CHST11: variants seen among roughly 807,000 people sequenced by gnomAD.
CHST11 encodes the protein C4S-1.
Under a neutral mutation model 30.4 loss-of-function variants are expected in CHST11, and 9 were observed. The ratio of observed to expected loss-of-function variants is 0.30; its 90% CI spans 0.18 to 0.52. The LOEUF is 0.52. Ranked by LOEUF, CHST11 falls within the 20% of genes least tolerant of loss-of-function variation. The pLI, the probability that CHST11 is intolerant of heterozygous loss-of-function variation, is 0.97. For missense variants in CHST11, 348 were observed against 460.6 expected, an observed-to-expected ratio of 0.76 and a Z score of 2.24; for synonymous variants, 152 against 187.8, an observed-to-expected ratio of 0.81 and a Z score of 1.56.
chr12:104,601,635 T>G (rs947747650), intron 1 of CHST11, among the ~76,000 whole-genome samples: 24 of 152,218 alleles, frequency 1.6e-4, no homozygotes, highest in African/African-American at 5.1e-4. Context: ...TCAATGAGCT[T>G]TAGATGCCTG....
intron 2 of CHST11, among the ~76,000 whole-genome samples, chr12:104,710,677 C>T (rs1318499738): frequency 1.3e-5 from 2 of 152,126 alleles, no homozygotes; most frequent in African/African-American, 2.4e-5. Context: ...GGTTTGAGCC[C>T]CCAGACGATG....
chr12:104,465,307 G>T (rs372726163), intron 1 of CHST11, among the ~76,000 whole-genome samples: 1 of 152,186 alleles, frequency 6.6e-6, no homozygotes, highest in South Asian at 2.1e-4. Context: ...CAGAGCCCAG[G>T]GCTTGTAGTT....
At chr12:104,640,123 G>A (rs939205022) in intron 2 of CHST11, among the ~76,000 whole-genome samples, 6 of 152,166 alleles carry the variant, frequency 3.9e-5, no homozygotes, top group African/African-American at 1.4e-4. Context: ...CATTCACTGC[G>A]GGTGGAAATG....
At chr12:104,702,891 G>A (rs1056410219) in intron 2 of CHST11, among the ~76,000 whole-genome samples, 4 of 152,150 alleles carry the variant, frequency 2.6e-5, no homozygotes, top group Non-Finnish European at 2.9e-5. Flanking sequence ...CGAGCCTGGC[G>A]CCCTTTGCAG....
intron 2 of CHST11, among the ~76,000 whole-genome samples, chr12:104,677,094 G>A (rs1055475483): frequency 2.0e-5 from 3 of 152,136 alleles, no homozygotes; most frequent in Non-Finnish European, 2.9e-5. Context: ...CCAGTTTTGC[G>A]TGACTGTTGA....
intron 1 of CHST11, among the ~76,000 whole-genome samples, chr12:104,526,910 T>C (rs2038132063): frequency 6.6e-6 from 1 of 152,192 alleles, no homozygotes; most frequent in African/African-American, 2.4e-5. Flanking sequence ...TCCTCTTTTC[T>C]CCCGGGTTGG....
At chr12:104,592,390 C>A (rs2038867883) in intron 1 of CHST11, among the ~76,000 whole-genome samples, 1 of 152,130 alleles carries the variant, frequency 6.6e-6, no homozygotes, top group African/African-American at 2.4e-5. Context: ...TCTGGTGAGG[C>A]CCTGCTTTCT....
intron 2 of CHST11, among the ~76,000 whole-genome samples, chr12:104,669,249 C>CT (rs1019513205): frequency 9.8e-5 from 15 of 152,334 alleles, no homozygotes; most frequent in Non-Finnish European, 2.2e-4. Context: ...CCACGCCCTC[C>CT]TGAATGTTCC....
In CHST11 at chr12:104,492,676, A is replaced by G. The variant is rs954255261; in HGVS notation, c.118+35147A>G. Among the ~76,000 whole-genome samples, 6 of 152,362 alleles carry G rather than the reference A, an allele frequency of 3.9e-5. No individual in the cohort carries two copies. The East Asian group carries it at 1.2e-3, about 29-fold the overall frequency. On this transcript the variant is annotated intron_variant, in intron 1 of 2. Transcript: ENST00000303694. ...TTGATCTGTGTGTCTGGAACAAGAT[A>G]CAGTTTGAAGATACTACCATGGGAC...
intron 2 of CHST11, among the ~76,000 whole-genome samples, chr12:104,633,203 C>T (rs2039288628): frequency 6.6e-6 from 1 of 152,146 alleles, no homozygotes; most frequent in African/African-American, 2.4e-5. Flanking sequence ...GATGTGAGCA[C>T]CAACTGAGGC....
intron 1 of CHST11, among the ~76,000 whole-genome samples, chr12:104,541,948 A>T (rs2038291388): frequency 6.6e-6 from 1 of 152,254 alleles, no homozygotes; most frequent in Non-Finnish European, 1.5e-5. Flanking sequence ...GTCAGCTACC[A>T]GTTGCTATAC....
At chr12:104,728,791 G>A (rs1021547336) in intron 2 of CHST11, among the ~76,000 whole-genome samples, 3 of 152,206 alleles carry the variant, frequency 2.0e-5, no homozygotes, top group Admixed American at 6.5e-5. Context: ...TCCTTGGAGG[G>A]CAGAGGGGAG....
rs143640798 is a variant in CHST11, at chr12:104,609,996, A to AT, written c.204+8007dup. Reference sequence around the variant, plus strand: ...TTTATTTGTTTCTAGCAGAGTCTGTATTGATCAGCAAGCTTGACGCACTGA... The same window carrying AT: ...TTTATTTGTTTCTAGCAGAGTCTGTATTTGATCAGCAAGCTTGACGCACTGA... On this transcript the variant is annotated intron_variant, in intron 2 of 2. Transcript: ENST00000303694. 5.3e-3 allele frequency among the ~76,000 whole-genome samples: 803 copies of AT among 151,432 alleles called. 7 individuals are homozygous for AT. The highest frequency in any genetic ancestry group is 0.018 in the African/African-American group (746 of 41,170).
At chr12:104,621,135 G>T (rs1179006306) in intron 2 of CHST11, among the ~76,000 whole-genome samples, 2 of 152,230 alleles carry the variant, frequency 1.3e-5, no homozygotes, top group Non-Finnish European at 2.9e-5. Context: ...CGTTGTTGCT[G>T]ATCTCAAGCT....
chr12:104,547,734 T>C (rs2038364840), intron 1 of CHST11, among the ~76,000 whole-genome samples: 1 of 152,224 alleles, frequency 6.6e-6, no homozygotes, highest in Non-Finnish European at 1.5e-5. Flanking sequence ...GGCAAATTCT[T>C]TAATCTTTTT....
At chr12:104,518,157 C>T (rs145960831) in intron 1 of CHST11, among the ~76,000 whole-genome samples, 266 of 152,194 alleles carry the variant, frequency 1.7e-3, no homozygotes, top group Non-Finnish European at 2.9e-3. Context: ...CGCAGTGGCA[C>T]GTGCCTGTAG....
intron 1 of CHST11, among the ~76,000 whole-genome samples, chr12:104,529,240 G>T (rs1407867565): frequency 6.6e-6 from 1 of 152,116 alleles, no homozygotes; most frequent in Non-Finnish European, 1.5e-5. Context: ...ACATTTCTGG[G>T]GGTTATTAGA....
intron 1 of CHST11, among the ~76,000 whole-genome samples, chr12:104,558,538 T>TCCCC (rs71441899): frequency 3.8e-3 from 449 of 117,694 alleles, no homozygotes; most frequent in Non-Finnish European, 4.2e-3. Context: ...CAGCAGAAAT[T>TCCCC]CCCCCCCCCG....
intron 1 of CHST11, among the ~76,000 whole-genome samples, chr12:104,470,010 T>C (rs189992890): frequency 2.3e-3 from 344 of 152,366 alleles, no homozygotes; most frequent in African/African-American, 7.8e-3. Context: ...GGGACCTCCT[T>C]CTTCCCCCAT....
Sources: gnomAD v4.1 joint callset for allele counts (sites outside exome capture counted in the v4.1 genomes callset) on GRCh38, gnomAD v4.1.1 for gene constraint, MANE v1.5 for transcripts, NCBI Gene and HGNC (gene_info 2026-07-23, HGNC 2026-07-21) for gene names.